Variants in TRDN observed in about 807,000 individuals in gnomAD.
TRDN encodes the protein triadin.
A neutral mutation model predicts 149.7 loss-of-function variants in TRDN; 161 were observed. The observed-to-expected ratio is 1.08, with a 90% CI of 0.95 to 1.23. TRDN has a LOEUF of 1.23. TRDN is among the 50% of genes most tolerant of loss of function. The pLI is 0.00. For missense variants in TRDN, 896 were observed against 823.5 expected, an observed-to-expected ratio of 1.09 and a Z score of -1.08; for synonymous variants, 294 against 250.5, an observed-to-expected ratio of 1.17 and a Z score of -1.64.
intron 23 of TRDN, among the ~76,000 whole-genome samples, chr6:123,320,715 A>C (rs1779212390): frequency 6.6e-6 from 1 of 152,124 alleles, no homozygotes; most frequent in East Asian, 1.9e-4. Flanking sequence ...AGCACACCAC[A>C]TTCTACTTCT....
Position 123,564,883 on chromosome 6 carries a change from G to T in TRDN, c.232+6040C>A, listed in dbSNP as rs574441805. Among the ~76,000 whole-genome samples, 422 of 152,294 alleles carry T rather than the reference G, an allele frequency of 2.8e-3. 1 individual carries two copies. The highest frequency in any genetic ancestry group is 4.2e-3 in the Admixed American group (64 of 15,304). ...AATTACCAAGTGTGCTTTGAGACACGCTGGTACAACCATGTAATGATGTTT... is the reference window on the plus strand; with the variant it reads ...AATTACCAAGTGTGCTTTGAGACACTCTGGTACAACCATGTAATGATGTTT... On this transcript the variant is annotated intron_variant, in intron 2 of 40. Coordinates refer to ENST00000334268, the MANE Select transcript of TRDN (RefSeq NM_006073.4).
In TRDN at chr6:123,497,197, T is replaced by C. The variant is rs1778486077; in HGVS notation, c.849A>G (p.Lys283=). Residue 283 remains lysine, a synonymous_variant, in exon 9 of 41, where the codon AAA becomes AAG. Coordinates refer to ENST00000334268, the MANE Select transcript of TRDN (RefSeq NM_006073.4). ...TACAAGAATTGCTTGGAATACCTGG[T>C]TTTAAATCCCCATGGACAAATATGT... The part of the protein sequence containing the change: ...MIDIFVHGDL[K]PGQSPAIPPP... The C allele has an allele frequency of 5.8e-6, 9 of 1,551,856 alleles. No homozygotes were observed. The highest frequency in any genetic ancestry group is 1.4e-5 in the African/African-American group (1 of 72,232).
At chr6:123,261,223 A>G (rs1776761507) in intron 33 of TRDN, among the ~76,000 whole-genome samples, 1 of 151,786 alleles carries the variant, frequency 6.6e-6, no homozygotes, top group African/African-American at 2.4e-5. Flanking sequence ...TAAATCTGTT[A>G]CATTTTTAAT....
intron 1 of TRDN, among the ~76,000 whole-genome samples, chr6:123,630,096 C>T (rs1182187015): frequency 3.9e-5 from 6 of 151,994 alleles, no homozygotes; most frequent in Non-Finnish European, 7.4e-5. Flanking sequence ...GGAGCCTGAA[C>T]TCCGTAAAGT....
chr6:123,251,966 T>A (rs1274757514), intron 38 of TRDN, among the ~76,000 whole-genome samples: 1 of 152,060 alleles, frequency 6.6e-6, no homozygotes, highest in African/African-American at 2.4e-5. Context: ...AGCTATACAA[T>A]TAAATTACAA....
At chr6:123,464,761 A>C in intron 10 of TRDN, 145 bp downstream of exon 10, 1 of 1,408,424 alleles carries the variant, frequency 7.1e-7, no homozygotes, top group Non-Finnish European at 9.3e-7. Flanking sequence ...TTGCAATTTT[A>C]GGAAAAGTAT....
chr6:123,564,389 A>G (rs1269642235), intron 2 of TRDN, among the ~76,000 whole-genome samples: 3 of 152,192 alleles, frequency 2.0e-5, no homozygotes, highest in Non-Finnish European at 4.4e-5. Context: ...CTAAAAAGTA[A>G]TAACATATTC....
At chr6:123,291,317 C>T (rs980844499) in intron 24 of TRDN, among the ~76,000 whole-genome samples, 1 of 151,948 alleles carries the variant, frequency 6.6e-6, no homozygotes, top group Non-Finnish European at 1.5e-5. Context: ...GTAAGCCCAG[C>T]ACTTTGGAAG....
At chr6:123,351,876 GA>G (rs1381325537) in intron 21 of TRDN, 6 of 984,784 alleles carry the variant, frequency 6.1e-6, no homozygotes, top group Non-Finnish European at 7.2e-6. Context: ...AGCTCTAAGA[GA>G]AGCCACATCA....
intron 9 of TRDN, among the ~76,000 whole-genome samples, chr6:123,486,980 C>T (rs374138145): frequency 2.6e-5 from 4 of 152,054 alleles, no homozygotes; most frequent in African/African-American, 9.6e-5. Flanking sequence ...CATCAGATGG[C>T]TACTATGGGC....
intron 37 of TRDN, among the ~76,000 whole-genome samples, chr6:123,253,171 A>T (rs1239674958): frequency 6.6e-6 from 1 of 152,092 alleles, no homozygotes; most frequent in Admixed American, 6.6e-5. Flanking sequence ...TTCTTCAAAG[A>T]AATGTGCTTT....
chr6:123,318,781 TA>T (rs1469986877), intron 23 of TRDN, among the ~76,000 whole-genome samples: 1 of 151,948 alleles, frequency 6.6e-6, no homozygotes, highest in Non-Finnish European at 1.5e-5. Flanking sequence ...TTGGAAAAAA[TA>T]AAAATTGTGG....
At chr6:123,398,980 T>C (rs73544260) in intron 12 of TRDN, among the ~76,000 whole-genome samples, 10 of 152,324 alleles carry the variant, frequency 6.6e-5, no homozygotes, top group African/African-American at 1.7e-4. Context: ...CATCAAGCCA[T>C]GTATTTTTGT....
intron 26 of TRDN, among the ~76,000 whole-genome samples, chr6:123,275,324 A>G (rs963935533): frequency 6.6e-6 from 1 of 152,140 alleles, no homozygotes; most frequent in African/African-American, 2.4e-5. Context: ...GAAAAGAGAC[A>G]CAAATAGAGA....
chr6:123,244,594 T>C (rs9388198), intron 38 of TRDN, among the ~76,000 whole-genome samples: 120,002 of 152,112 alleles, frequency 0.79, 47,817 homozygotes, highest in Admixed American at 0.84. Context: ...CATAGGACTA[T>C]GTGAAAAGAC....
intron 21 of TRDN, among the ~76,000 whole-genome samples, chr6:123,342,321 G>A (rs1259288312): frequency 6.6e-6 from 1 of 151,576 alleles, no homozygotes; most frequent in African/African-American, 2.4e-5. Context: ...GATATCTTAG[G>A]GACAGGGTTG....
rs1774977749 is a variant in TRDN at position 123,216,552 on chromosome 6, A to C, written c.*2049T>G. ...ATAGTTTTTATATTGAGAGTGAAAG[A>C]AACAGTAAAATAGTCAGAGGAAAAA... On this transcript the variant is annotated 3_prime_UTR_variant, in exon 41 of 41. Coordinates refer to ENST00000334268, the MANE Select transcript of TRDN (RefSeq NM_006073.4). 6.6e-6 allele frequency: 1 copy of C among 151,908 alleles called. No individual in the cohort carries two copies. The highest frequency in any genetic ancestry group is 2.1e-4 in the South Asian group (1 of 4,820). The allele number at this position is 151,908 out of a possible 1,614,324, so 9.4% of individuals were successfully genotyped here. A position where few individuals can be genotyped will look rare whatever the true frequency, so the allele number is the denominator to read the frequency against.
chr6:123,425,058 G>T (rs1030491398), intron 12 of TRDN, among the ~76,000 whole-genome samples: 7 of 152,060 alleles, frequency 4.6e-5, no homozygotes, highest in Non-Finnish European at 8.8e-5. Context: ...AGTGAGGAAA[G>T]TTCAGCTACT....
chr6:123,442,951 G>A (rs951897103), intron 10 of TRDN, among the ~76,000 whole-genome samples: 2 of 152,094 alleles, frequency 1.3e-5, no homozygotes, highest in African/African-American at 4.8e-5. Flanking sequence ...TGCAACTATA[G>A]ATGAATGTTG....
Sources: allele counts gnomAD v4.1 joint callset (sites outside exome capture counted in the v4.1 genomes callset), GRCh38; gene constraint gnomAD v4.1.1; transcripts MANE v1.5; gene names NCBI Gene and HGNC (gene_info 2026-07-23, HGNC 2026-07-21).